Variants in FHIT observed in about 807,000 individuals in gnomAD.
The protein encoded by FHIT is bis(5'-adenosyl)-triphosphatase.
In FHIT, 19 loss-of-function variants were observed where a neutral mutation model predicts 17.9. That is an observed-to-expected ratio of 1.06 (90% CI 0.74 to 1.56). The LOEUF (loss-of-function observed/expected upper bound fraction) is 1.56. Ranked by LOEUF, FHIT falls within the 40% of genes most tolerant of loss-of-function variation. The pLI, the probability that FHIT is intolerant of heterozygous loss-of-function variation, is 0.00. For missense variants in FHIT, 248 were observed against 189.2 expected, an observed-to-expected ratio of 1.31 and a Z score of -1.82; for synonymous variants, 81 against 69.7, an observed-to-expected ratio of 1.16 and a Z score of -0.81.
intron 3 of FHIT, among the ~76,000 whole-genome samples, chr3:60,945,162 T>A (rs139258902): frequency 2.0e-3 from 301 of 151,830 alleles, no homozygotes; most frequent in African/African-American, 6.7e-3. Context: ...GACACCTAAG[T>A]GCAACAGGAG....
At chr3:60,325,541 A>T (rs1049033126) in intron 5 of FHIT, among the ~76,000 whole-genome samples, 2 of 152,242 alleles carry the variant, frequency 1.3e-5, no homozygotes, top group Non-Finnish European at 1.5e-5. Flanking sequence ...AAATGCCTTC[A>T]GAGTTGGGTT....
At chr3:60,368,575 T>G (rs1184257568) in intron 5 of FHIT, among the ~76,000 whole-genome samples, 1 of 152,148 alleles carries the variant, frequency 6.6e-6, no homozygotes, top group Non-Finnish European at 1.5e-5. Context: ...ACATGTCTTT[T>G]GTCAGATATA....
At chr3:60,391,624 C>G (rs1163229410) in intron 5 of FHIT, among the ~76,000 whole-genome samples, 1 of 152,108 alleles carries the variant, frequency 6.6e-6, no homozygotes, top group Non-Finnish European at 1.5e-5. Context: ...AAATACTTAC[C>G]ATTGTGTTAC....
intron 8 of FHIT, among the ~76,000 whole-genome samples, chr3:59,786,663 G>A (rs1034072617): frequency 1.4e-4 from 21 of 152,348 alleles, no homozygotes; most frequent in Middle Eastern, 6.8e-3. Flanking sequence ...GTAGGAAAGC[G>A]GAGATATTCT....
At chr3:60,392,399 C>A (rs9835300) in intron 5 of FHIT, among the ~76,000 whole-genome samples, 6,099 of 152,186 alleles carry the variant, frequency 0.04, 251 homozygotes, top group African/African-American at 0.11. Flanking sequence ...TAAATGACAC[C>A]ATGTCGAATA....
intron 5 of FHIT, among the ~76,000 whole-genome samples, chr3:60,027,898 T>A (rs906510802): frequency 1.3e-5 from 2 of 152,218 alleles, no homozygotes; most frequent in Non-Finnish European, 2.9e-5. Context: ...TAGCCATATG[T>A]GGCTACTGAG....
At chr3:59,779,068 T>C (rs1402290987) in intron 8 of FHIT, among the ~76,000 whole-genome samples, 3 of 152,200 alleles carry the variant, frequency 2.0e-5, no homozygotes, top group Non-Finnish European at 1.5e-5. Flanking sequence ...CTTGTACTGA[T>C]TTAAGTTTAA....
intron 5 of FHIT, among the ~76,000 whole-genome samples, chr3:60,454,350 C>T (rs2031946218): frequency 6.6e-6 from 1 of 151,946 alleles, no homozygotes; most frequent in African/African-American, 2.4e-5. Context: ...CTCACAAATC[C>T]CACAGCACCA....
rs114762348 is a variant in FHIT, at chr3:60,359,587, A to G, written c.103+177273T>C. Among the ~76,000 whole-genome samples, 713 of 152,264 alleles carry G rather than the reference A, an allele frequency of 4.7e-3. 4 individuals carry two copies. The highest frequency in any genetic ancestry group is 7.4e-3 in the Non-Finnish European group (506 of 68,002). On this transcript the variant is annotated intron_variant, in intron 5 of 9. Coordinates refer to ENST00000492590, the MANE Select transcript of FHIT (RefSeq NM_002012.4). ...AGCCACTGTGCCCGGCCTGAATATC[A>G]AAATATCTTTTTCGAATTCTGTGAC...
intron 8 of FHIT, among the ~76,000 whole-genome samples, chr3:59,898,498 A>G (rs1180700166): frequency 6.6e-6 from 1 of 151,558 alleles, no homozygotes; most frequent in Non-Finnish European, 1.5e-5. Context: ...CTGCTTACCA[A>G]TGTTAAAAAC....
At chr3:60,065,941 T>C (rs1466806523) in intron 5 of FHIT, among the ~76,000 whole-genome samples, 2 of 152,192 alleles carry the variant, frequency 1.3e-5, no homozygotes, top group African/African-American at 4.8e-5. Context: ...AGGGTGGCCA[T>C]CTTGCAAATA....
chr3:61,140,957 T>C (rs2037064270), intron 2 of FHIT, among the ~76,000 whole-genome samples: 1 of 152,204 alleles, frequency 6.6e-6, no homozygotes. Flanking sequence ...GGTACACGGA[T>C]GTACAAAGAA....
At chr3:60,324,655 T>G (rs1394647931) in intron 5 of FHIT, among the ~76,000 whole-genome samples, 1 of 151,928 alleles carries the variant, frequency 6.6e-6, no homozygotes. Context: ...TAAAGTGTTA[T>G]GCTAAGCATG....
intron 3 of FHIT, among the ~76,000 whole-genome samples, chr3:60,960,581 C>G (rs1472597905): frequency 6.6e-6 from 1 of 152,160 alleles, no homozygotes; most frequent in Non-Finnish European, 1.5e-5. Flanking sequence ...CCTCCCCCCA[C>G]CCCACAACAG....
At chr3:60,509,072 C>T (rs1048542205) in intron 5 of FHIT, among the ~76,000 whole-genome samples, 1 of 152,096 alleles carries the variant, frequency 6.6e-6, no homozygotes, top group African/African-American at 2.4e-5. Flanking sequence ...ACCTGCAACT[C>T]CCCCATTGCA....
chr3:60,519,700 A>G (rs1019621560), intron 5 of FHIT, among the ~76,000 whole-genome samples: 1 of 152,186 alleles, frequency 6.6e-6, no homozygotes, highest in Non-Finnish European at 1.5e-5. Flanking sequence ...CATCTGTCTA[A>G]AACTGTAGGT....
At chr3:60,281,199 C>G (rs1304928875) in intron 5 of FHIT, among the ~76,000 whole-genome samples, 2 of 151,988 alleles carry the variant, frequency 1.3e-5, no homozygotes, top group African/African-American at 4.8e-5. Flanking sequence ...GAAATAAAAT[C>G]TAAATAAACG....
chr3:60,162,249 T>C (rs895683317), intron 5 of FHIT, among the ~76,000 whole-genome samples: 1 of 152,210 alleles, frequency 6.6e-6, no homozygotes, highest in Non-Finnish European at 1.5e-5. Context: ...AATTTTGTTG[T>C]GTCATTTTAT....
chr3:60,031,373 TA>T (rs377387307), intron 5 of FHIT, among the ~76,000 whole-genome samples: 56 of 152,338 alleles, frequency 3.7e-4, no homozygotes, highest in African/African-American at 1.3e-3. Context: ...CCTTTGACTA[TA>T]GCATTGCAAA....
Sources: allele counts gnomAD v4.1 joint callset (sites outside exome capture counted in the v4.1 genomes callset), GRCh38; gene constraint gnomAD v4.1.1; transcripts MANE v1.5; gene names NCBI Gene and HGNC (gene_info 2026-07-23, HGNC 2026-07-21).